The following ADAMTS19 variants were observed in gnomAD, a reference collection of about 807,000 sequenced individuals.
The protein encoded by ADAMTS19 is A disintegrin and metalloproteinase with thrombospondin motifs 19.
Under a neutral mutation model 153.3 loss-of-function variants are expected in ADAMTS19, and 93 were observed. That is an observed-to-expected ratio of 0.61 (90% CI 0.51 to 0.72). The LOEUF is 0.72. ADAMTS19 is among the 30% of genes least tolerant of loss of function. The probability of loss-of-function intolerance (pLI) is 0.00; values close to 1 mark genes in which losing one functional copy is unlikely to be tolerated. For missense variants in ADAMTS19, 1,482 were observed against 1,552.1 expected, an observed-to-expected ratio of 0.95 and a Z score of 0.76; for synonymous variants, 600 against 556.6, an observed-to-expected ratio of 1.08 and a Z score of -1.10.
At chr5:129,698,669 A>G (rs1302212665) in intron 19 of ADAMTS19, among the ~76,000 whole-genome samples, 3 of 152,214 alleles carry the variant, frequency 2.0e-5, no homozygotes, top group Non-Finnish European at 2.9e-5. Flanking sequence ...TTACTTAAAA[A>G]TATGAGATTC....
intron 2 of ADAMTS19, among the ~76,000 whole-genome samples, chr5:129,508,143 G>A (rs1265228752): frequency 6.6e-6 from 1 of 151,772 alleles, no homozygotes; most frequent in African/African-American, 2.4e-5. Context: ...ATTCAAAACA[G>A]AATTAAGAAC....
intron 6 of ADAMTS19, among the ~76,000 whole-genome samples, chr5:129,536,812 C>CAA (rs1752449818): frequency 6.7e-6 from 1 of 149,894 alleles, no homozygotes; most frequent in Non-Finnish European, 1.5e-5. Context: ...ATCACAAGGA[C>CAA]AAAAACAAAC....
At chr5:129,564,292 C>G (rs1753628423) in intron 7 of ADAMTS19, among the ~76,000 whole-genome samples, 1 of 152,084 alleles carries the variant, frequency 6.6e-6, no homozygotes, top group Non-Finnish European at 1.5e-5. Context: ...AGACTTCTGA[C>G]CTATAGTAAT....
At chr5:129,552,343 T>C (rs1250837757) in intron 7 of ADAMTS19, among the ~76,000 whole-genome samples, 1 of 151,854 alleles carries the variant, frequency 6.6e-6, no homozygotes, top group Non-Finnish European at 1.5e-5. Flanking sequence ...TCTTCTTACA[T>C]GAAGTGGCAA....
intron 8 of ADAMTS19, among the ~76,000 whole-genome samples, chr5:129,620,235 T>G (rs1160852328): frequency 1.3e-5 from 2 of 151,922 alleles, no homozygotes; most frequent in Non-Finnish European, 2.9e-5. Flanking sequence ...CAAATCAAAT[T>G]TTGAAGAAAA....
intron 2 of ADAMTS19, among the ~76,000 whole-genome samples, chr5:129,480,486 G>T (rs182751934): frequency 2.1e-3 from 312 of 152,180 alleles, no homozygotes; most frequent in African/African-American, 6.7e-3. Context: ...GAAAATATTT[G>T]CAAAAGATAT....
intron 11 of ADAMTS19, among the ~76,000 whole-genome samples, chr5:129,642,312 A>G (rs1464920806): frequency 3.9e-5 from 6 of 152,076 alleles, no homozygotes; most frequent in Non-Finnish European, 5.9e-5. Context: ...TCTCATTGCC[A>G]ATGGATCTTT....
At chr5:129,591,818 CTGGAGCCCAGAGACTTAACTTT>C (rs1750147022) in intron 7 of ADAMTS19, among the ~76,000 whole-genome samples, 1 of 152,100 alleles carries the variant, frequency 6.6e-6, no homozygotes, top group Admixed American at 6.5e-5. Context: ...AACAGCACTT[CTGGAGCCCAGAGACTTAACTTT>C]TGTTAGAATG....
At chr5:129,666,298 C>T (rs1754053149) in intron 16 of ADAMTS19, among the ~76,000 whole-genome samples, 1 of 152,076 alleles carries the variant, frequency 6.6e-6, no homozygotes, top group Non-Finnish European at 1.5e-5. Context: ...TAAGTTTTAT[C>T]TGGCATCCAG....
intron 21 of ADAMTS19, among the ~76,000 whole-genome samples, chr5:129,728,689 G>T (rs570120639): frequency 6.6e-6 from 1 of 152,022 alleles, no homozygotes; most frequent in African/African-American, 2.4e-5. Flanking sequence ...AAATTGCCTA[G>T]CTTCCACAGT....
intron 6 of ADAMTS19, among the ~76,000 whole-genome samples, chr5:129,536,682 A>C (rs1284860031): frequency 1.3e-5 from 2 of 152,302 alleles, no homozygotes; most frequent in African/African-American, 4.8e-5. Flanking sequence ...ACAATGAGAG[A>C]CTGGATTAAG....
At position 129,737,429 on chromosome 5, in the gene ADAMTS19, A is replaced by G. The variant is rs752120669; in HGVS notation, c.*211A>G. ...TATATGGCTTCATAAATAATTTTAT[A>G]TGAATGAATTAGTTGGATCCAGTAA... On this transcript the variant is annotated 3_prime_UTR_variant, in exon 23 of 23. Transcript: ENST00000274487. The G allele has an allele frequency of 2.3e-5, 8 of 345,298 alleles. No homozygotes were observed. Among genetic ancestry groups the G allele is most frequent in the Non-Finnish European group, 3.9e-5 (8 of 203,444 alleles). 21.4% of individuals were successfully genotyped at this position (345,298 alleles called of 1,614,324 possible). A position where few individuals can be genotyped will look rare whatever the true frequency, so the allele number is the denominator to read the frequency against.
At chr5:129,639,402 C>A (rs1023384166) in intron 10 of ADAMTS19, among the ~76,000 whole-genome samples, 4 of 151,998 alleles carry the variant, frequency 2.6e-5, no homozygotes, top group Non-Finnish European at 1.5e-5. Flanking sequence ...TTTTTAAGAC[C>A]GAGGCTGTAA....
At position 129,510,435 on chromosome 5, in the gene ADAMTS19, G is replaced by A. The variant is rs547419270; in HGVS notation, c.913+1193G>A. On this transcript the variant is annotated intron_variant, in intron 3 of 22. Transcript: ENST00000274487. The stretch of plus-strand genomic sequence containing the variant: ...CAAAAGCAGTTGAGTCTCTCTCCAC[G>A]TCACAGTATTCCATGTCCACAAAAT... Among the ~76,000 whole-genome samples, 7 of 151,888 alleles carry A rather than the reference G, an allele frequency of 4.6e-5. No individual in the cohort carries two copies. The East Asian group carries it at 7.8e-4, about 17-fold the overall frequency.
At chr5:129,642,980 C>T (rs1010129722) in intron 11 of ADAMTS19, among the ~76,000 whole-genome samples, 3 of 152,004 alleles carry the variant, frequency 2.0e-5, no homozygotes, top group Non-Finnish European at 2.9e-5. Flanking sequence ...TAAAAATATT[C>T]ATTAGGAGAC....
chr5:129,577,456 G>C (rs921359985), intron 7 of ADAMTS19, among the ~76,000 whole-genome samples: 2 of 151,976 alleles, frequency 1.3e-5, no homozygotes, highest in African/African-American at 4.8e-5. Context: ...TACAAATAAG[G>C]GATAATCCGG....
intron 21 of ADAMTS19, among the ~76,000 whole-genome samples, chr5:129,730,770 CATT>C (rs1288272146): frequency 1.3e-5 from 2 of 152,118 alleles, no homozygotes; most frequent in Non-Finnish European, 2.9e-5. Context: ...TAAAATCCAT[CATT>C]GTCTTTAAAG....
At chr5:129,472,242 A>T (rs1750092235) in intron 2 of ADAMTS19, among the ~76,000 whole-genome samples, 1 of 152,222 alleles carries the variant, frequency 6.6e-6, no homozygotes, top group East Asian at 1.9e-4. Context: ...AATAATAGCC[A>T]TTCTGGCTGG....
At chr5:129,691,444 T>C (rs1176653901) in intron 18 of ADAMTS19, among the ~76,000 whole-genome samples, 1 of 152,152 alleles carries the variant, frequency 6.6e-6, no homozygotes, top group African/African-American at 2.4e-5. Flanking sequence ...TGCCACAGTA[T>C]TGGATGCATT....
Sources: gnomAD v4.1 joint callset for allele counts (sites outside exome capture counted in the v4.1 genomes callset) on GRCh38, gnomAD v4.1.1 for gene constraint, MANE v1.5 for transcripts, NCBI Gene and HGNC (gene_info 2026-07-23, HGNC 2026-07-21) for gene names.